PDK1: variants seen among roughly 807,000 people sequenced by gnomAD.
PDK1 encodes pyruvate dehydrogenase kinase 1.
Under a neutral mutation model 54.2 loss-of-function variants are expected in PDK1, and 39 were observed. The ratio of observed to expected loss-of-function variants is 0.72; its 90% CI spans 0.56 to 0.94. The LOEUF (loss-of-function observed/expected upper bound fraction) is 0.94. PDK1 is among the 40% of genes least tolerant of loss of function. The probability of loss-of-function intolerance (pLI) is 0.00; values close to 1 mark genes in which losing one functional copy is unlikely to be tolerated. For missense variants in PDK1, 552 were observed against 566.0 expected (o/e 0.98, Z 0.25); for synonymous variants, 221 against 207.1 (o/e 1.07, Z -0.58).
intron 6 of PDK1, among the ~76,000 whole-genome samples, chr2:172,567,920 G>A (rs921256518): frequency 3.3e-5 from 5 of 152,198 alleles, no homozygotes; most frequent in Non-Finnish European, 5.9e-5. Context: ...TTTAAATGTA[G>A]AATTAATTAC....
the PDK1 span, among the ~76,000 whole-genome samples, chr2:172,705,431 G>A: frequency 6.6e-6 from 1 of 152,154 alleles, no homozygotes; most frequent in Non-Finnish European, 1.5e-5. Context: ...CCAACCCTGG[G>A]AATCTTTGAG....
chr2:172,592,844 G>A, intron 9 of PDK1, 91 bp from the exon 10 acceptor site: 1 of 662,246 alleles, frequency 1.5e-6, no homozygotes. Context: ...GGCTCTGATA[G>A]CCCCGTGGTA....
At chr2:172,714,643 T>A in the PDK1 span, among the ~76,000 whole-genome samples, 6 of 152,190 alleles carry the variant, frequency 3.9e-5, no homozygotes, top group Admixed American at 2.0e-4. Context: ...ACAAGTAAAA[T>A]GTTACTAGAA....
chr2:172,654,118 A>AACAGG, the PDK1 span, among the ~76,000 whole-genome samples: 1 of 152,226 alleles, frequency 6.6e-6, no homozygotes, highest in Non-Finnish European at 1.5e-5. Flanking sequence ...GTCAGGAAAC[A>AACAGG]ACAGGTGCTG....
At chr2:172,678,554 A>G in the PDK1 span, among the ~76,000 whole-genome samples, 2 of 152,290 alleles carry the variant, frequency 1.3e-5, no homozygotes, top group Non-Finnish European at 2.9e-5. Context: ...TTTAGAACAG[A>G]TTAGATTAAC....
In PDK1 at chr2:172,604,056, C is replaced by G. The variant is rs762735363; in HGVS notation, c.*8087C>G. 2.6e-5 allele frequency: 4 copies of G among 152,146 alleles called. No homozygotes were observed. The highest frequency in any genetic ancestry group is 5.9e-5 in the Non-Finnish European group (4 of 68,028). 9.4% of individuals were successfully genotyped at this position (152,146 alleles called of 1,614,324 possible). ...TGAGGAGAATTTAACAATAGCTTTT[C>G]AATTTATGAACATGGCGTATATCTT... On this transcript the variant is annotated 3_prime_UTR_variant, in exon 11 of 11. Coordinates refer to ENST00000282077, the MANE Select transcript of PDK1 (RefSeq NM_002610.5).
chr2:172,663,193 C>A, the PDK1 span, among the ~76,000 whole-genome samples: 1 of 152,136 alleles, frequency 6.6e-6, no homozygotes, highest in Non-Finnish European at 1.5e-5. Flanking sequence ...TGTAGATGAC[C>A]AGTTTCTCCC....
intron 3 of PDK1, chr2:172,562,826 C>A (rs753379397): frequency 6.2e-7 from 1 of 1,607,140 alleles, no homozygotes; most frequent in Non-Finnish European, 8.5e-7. Flanking sequence ...ATGTTAATAA[C>A]CCATATACCA....
At chr2:172,699,262 A>C in the PDK1 span, among the ~76,000 whole-genome samples, 3 of 152,252 alleles carry the variant, frequency 2.0e-5, no homozygotes, top group East Asian at 3.8e-4. Context: ...GCATTTGAGC[A>C]CAGCAAAAAC....
the PDK1 span, among the ~76,000 whole-genome samples, chr2:172,644,465 C>T: frequency 6.6e-6 from 1 of 152,148 alleles, no homozygotes; most frequent in Non-Finnish European, 1.5e-5. Context: ...ATAGTGCCTA[C>T]TTTACAGGGT....
chr2:172,567,861 G>C (rs1199997327), intron 6 of PDK1, among the ~76,000 whole-genome samples: 5 of 152,188 alleles, frequency 3.3e-5, no homozygotes, highest in Non-Finnish European at 7.4e-5. Context: ...CTAAATGTCT[G>C]TTTTATACAC....
chr2:172,593,512 C>T (rs1690722332), intron 10 of PDK1, among the ~76,000 whole-genome samples: 1 of 152,068 alleles, frequency 6.6e-6, no homozygotes, highest in Non-Finnish European at 1.5e-5. Context: ...TTTATGCAGT[C>T]CTTTACAGAT....
At chr2:172,699,432 A>C in the PDK1 span, among the ~76,000 whole-genome samples, 942 of 150,718 alleles carry the variant, frequency 6.3e-3, 13 homozygotes, top group African/African-American at 0.022. Context: ...TGAATCGTTC[A>C]TATTTTTTTT....
chr2:172,615,404 A>G, the PDK1 span, among the ~76,000 whole-genome samples: 1 of 152,172 alleles, frequency 6.6e-6, no homozygotes, highest in East Asian at 1.9e-4. Flanking sequence ...CGGATGGATC[A>G]CCTGAGGTCA....
the PDK1 span, among the ~76,000 whole-genome samples, chr2:172,672,995 G>T: frequency 6.6e-6 from 1 of 152,168 alleles, no homozygotes; most frequent in African/African-American, 2.4e-5. Flanking sequence ...TCAACTGAGG[G>T]GCATGAGGCA....
chr2:172,586,181 C>G (rs1690216988), intron 8 of PDK1, 97 bp from the exon 9 acceptor site: 3 of 604,096 alleles, frequency 5.0e-6, no homozygotes, highest in African/African-American at 3.9e-5. Flanking sequence ...AAAAAGCGCT[C>G]TCCCACCAGC....
the PDK1 span, among the ~76,000 whole-genome samples, chr2:172,707,620 A>G: frequency 4.6e-5 from 7 of 152,154 alleles, no homozygotes. Flanking sequence ...GAGGTCCCTG[A>G]CCAGTCTGTC....
the PDK1 span, among the ~76,000 whole-genome samples, chr2:172,660,200 A>C: frequency 1.4e-5 from 2 of 143,956 alleles, no homozygotes; most frequent in Admixed American, 7.0e-5. Context: ...TGTAATTAAC[A>C]TGTCAGTGTA....
chr2:172,713,147 C>T, the PDK1 span, among the ~76,000 whole-genome samples: 2 of 152,180 alleles, frequency 1.3e-5, no homozygotes, highest in Non-Finnish European at 2.9e-5. Flanking sequence ...GTGTACAGCT[C>T]TCACTGGAGA....
Sources: gnomAD v4.1 joint callset for allele counts (sites outside exome capture counted in the v4.1 genomes callset) on GRCh38, gnomAD v4.1.1 for gene constraint, MANE v1.5 for transcripts, NCBI Gene and HGNC (gene_info 2026-07-23, HGNC 2026-07-21) for gene names.